BBX: variants seen among roughly 807,000 people sequenced by gnomAD.
BBX encodes BBX high mobility group box domain containing, also known as HMG box transcription factor BBX.
In BBX, 30 loss-of-function variants were observed where a neutral mutation model predicts 100.2. The observed-to-expected ratio is 0.30, with a 90% CI of 0.22 to 0.41. BBX has a LOEUF of 0.41. Ranked by LOEUF, BBX falls within the 10% of genes least tolerant of loss-of-function variation. BBX has a pLI of 1.00. For missense variants in BBX, 1,023 were observed against 1,129.8 expected, an observed-to-expected ratio of 0.91 and a Z score of 1.35; for synonymous variants, 376 against 388.1, an observed-to-expected ratio of 0.97 and a Z score of 0.37.
chr3:107,673,021 G>C (rs1260775874), intron 3 of BBX, among the ~76,000 whole-genome samples: 1 of 152,000 alleles, frequency 6.6e-6, no homozygotes, highest in Non-Finnish European at 1.5e-5. Context: ...ATTTTGGCCT[G>C]AATTTTCTTG....
At chr3:107,542,413 G>T (rs2048923362) in intron 2 of BBX, among the ~76,000 whole-genome samples, 1 of 152,188 alleles carries the variant, frequency 6.6e-6, no homozygotes, top group South Asian at 2.1e-4. Context: ...TACAGAAGAG[G>T]TTTGTTGAAG....
At chr3:107,755,544 C>T in intron 9 of BBX, 54 bp from the exon 10 acceptor site, 1 of 1,503,336 alleles carries the variant, frequency 6.7e-7, no homozygotes, top group South Asian at 1.1e-5. Flanking sequence ...GAATGAGAAG[C>T]AAAGATTCTG....
intron 3 of BBX, among the ~76,000 whole-genome samples, chr3:107,709,553 ATTGT>A (rs1377689193): frequency 1.3e-5 from 2 of 152,276 alleles, no homozygotes; most frequent in East Asian, 3.9e-4. Flanking sequence ...ATTTAATTGT[ATTGT>A]TTGAGTTTTT....
intron 2 of BBX, among the ~76,000 whole-genome samples, chr3:107,540,254 C>A (rs1163579209): frequency 1.3e-5 from 2 of 152,188 alleles, no homozygotes; most frequent in Non-Finnish European, 2.9e-5. Context: ...CAGAAAGATG[C>A]AGCCCATGGG....
At chr3:107,747,464 T>G (rs1020314192) in intron 8 of BBX, among the ~76,000 whole-genome samples, 4 of 152,052 alleles carry the variant, frequency 2.6e-5, no homozygotes, top group Non-Finnish European at 5.9e-5. Context: ...CTGGCCAAGG[T>G]CATGTTGTGG....
At chr3:107,577,492 C>G (rs148461492) in intron 2 of BBX, among the ~76,000 whole-genome samples, 1 of 152,126 alleles carries the variant, frequency 6.6e-6, no homozygotes, top group Admixed American at 6.5e-5. Flanking sequence ...GGGTATATGA[C>G]TTGGGCAAGT....
rs1295207475 is a variant in BBX at position 107,711,530 on chromosome 3, G to T, written c.162+908G>T. On this transcript the variant is annotated intron_variant, in intron 4 of 17. Coordinates refer to ENST00000325805, the MANE Select transcript of BBX (RefSeq NM_001142568.3). ...TTAAAAACAATTTTACTCTTTTTCAGACATCATCTGGATACCCTCTAAGGT... is the reference window on the plus strand; with the variant it reads ...TTAAAAACAATTTTACTCTTTTTCATACATCATCTGGATACCCTCTAAGGT... Among the ~76,000 whole-genome samples the T allele has an allele frequency of 4.6e-5, 7 of 151,966 alleles. No individual in the cohort carries two copies. In the East Asian group the frequency reaches 1.3e-3, roughly 29 times the overall value.
chr3:107,803,008 C>T (rs2070691275), intron 17 of BBX, among the ~76,000 whole-genome samples: 1 of 152,196 alleles, frequency 6.6e-6, no homozygotes, highest in African/African-American at 2.4e-5. Flanking sequence ...TTTGTCGATA[C>T]TTCTGTCTAC....
intron 12 of BBX, among the ~76,000 whole-genome samples, chr3:107,777,723 A>G (rs2067440347): frequency 6.6e-6 from 1 of 152,142 alleles, no homozygotes; most frequent in African/African-American, 2.4e-5. Flanking sequence ...CCTCTGTGCC[A>G]TTGCATTCAT....
intron 3 of BBX, among the ~76,000 whole-genome samples, chr3:107,708,256 A>C (rs6806888): frequency 0.99 from 150,362 of 152,346 alleles, 74,224 homozygotes; most frequent in East Asian, 1. Flanking sequence ...TTCTTGTATT[A>C]TTGAGTCAGC....
At chr3:107,797,617 A>T (rs1481905920) in intron 15 of BBX, among the ~76,000 whole-genome samples, 1 of 151,952 alleles carries the variant, frequency 6.6e-6, no homozygotes, top group East Asian at 1.9e-4. Flanking sequence ...ACCCCTAAAC[A>T]CTTACTAAAC....
intron 5 of BBX, among the ~76,000 whole-genome samples, chr3:107,723,304 G>T (rs1038542209): frequency 6.6e-6 from 1 of 151,968 alleles, no homozygotes; most frequent in East Asian, 1.9e-4. Context: ...AGAACAGTTG[G>T]TAAGTCTATC....
chr3:107,666,465 AG>A (rs770054304), intron 3 of BBX, among the ~76,000 whole-genome samples: 2 of 152,194 alleles, frequency 1.3e-5, no homozygotes, highest in Non-Finnish European at 2.9e-5. Flanking sequence ...AACAAGGAAA[AG>A]GGGGGAAACT....
chr3:107,690,892 C>CCCTT (rs1553769848), intron 3 of BBX, among the ~76,000 whole-genome samples: 3 of 41,190 alleles, frequency 7.3e-5, no homozygotes, highest in Non-Finnish European at 1.2e-4. Flanking sequence ...GCCCCCCCCC[C>CCCTT]TTTTTTTTTT....
chr3:107,530,512 C>T (rs1002711436), intron 2 of BBX, among the ~76,000 whole-genome samples: 20 of 151,956 alleles, frequency 1.3e-4, no homozygotes, highest in Non-Finnish European at 2.6e-4. Flanking sequence ...AATAATTAAG[C>T]CAATGGTTAA....
At chr3:107,719,836 C>G (rs2062398189) in intron 5 of BBX, among the ~76,000 whole-genome samples, 1 of 152,024 alleles carries the variant, frequency 6.6e-6, no homozygotes, top group Non-Finnish European at 1.5e-5. Context: ...GAATACAAAT[C>G]TCTGCATTTT....
chr3:107,561,076 C>A (rs963679895), intron 2 of BBX, among the ~76,000 whole-genome samples: 1 of 152,170 alleles, frequency 6.6e-6, no homozygotes, highest in Non-Finnish European at 1.5e-5. Flanking sequence ...AAAAATATCT[C>A]TAGACATTGA....
chr3:107,768,399 A>C (rs998949724), intron 10 of BBX, among the ~76,000 whole-genome samples: 1 of 152,226 alleles, frequency 6.6e-6, no homozygotes, highest in African/African-American at 2.4e-5. Context: ...AAACATTCTT[A>C]GGTTGCTGAA....
chr3:107,682,381 A>G (rs901726345), intron 3 of BBX, among the ~76,000 whole-genome samples: 1 of 152,156 alleles, frequency 6.6e-6, no homozygotes, highest in African/African-American at 2.4e-5. Context: ...TGCTTCTATT[A>G]AGTGTGGAAG....
Sources: gnomAD v4.1 joint callset for allele counts (sites outside exome capture counted in the v4.1 genomes callset) on GRCh38, gnomAD v4.1.1 for gene constraint, MANE v1.5 for transcripts, NCBI Gene and HGNC (gene_info 2026-07-23, HGNC 2026-07-21) for gene names.